LAS1L: variants seen among roughly 807,000 people sequenced by gnomAD.
The protein encoded by LAS1L is LAS1 like ribosome biogenesis factor.
Under a neutral mutation model 57.3 loss-of-function variants are expected in LAS1L, and 5 were observed. That is an observed-to-expected ratio of 0.09 (90% CI 0.05 to 0.18). The LOEUF is 0.18. LAS1L is among the 10% of genes least tolerant of loss of function. The pLI is 1.00. For synonymous variants in LAS1L, 245 were observed against 231.7 expected, an observed-to-expected ratio of 1.06 and a Z score of -0.52; for missense variants, 360 against 568.3, an observed-to-expected ratio of 0.63 and a Z score of 3.73.
intron 11 of LAS1L, chrX:65,520,743 C>T: frequency 2.7e-6 from 2 of 754,494 alleles, no homozygotes; most frequent in Non-Finnish European, 3.1e-6. Context: ...TCGCATCCCT[C>T]TGGTATGCTT....
At chrX:65,533,562 C>T (rs191750137) in intron 2 of LAS1L, 48 bp downstream of exon 2, 5 of 1,188,812 alleles carry the variant, frequency 4.2e-6, no homozygotes, top group Non-Finnish European at 5.7e-6. Context: ...CCTCCCCTGC[C>T]TCCAGTCCCC....
rs1278703165 is a variant in LAS1L at position 65,529,198 on chromosome X, G to C, written c.846+14C>G. 1 of 1,195,706 alleles carries C rather than the reference G, an allele frequency of 8.4e-7. No homozygotes were observed. Among genetic ancestry groups the C allele is most frequent in the African/African-American group, 1.8e-5 (1 of 56,765 alleles). On this transcript the variant is annotated intron_variant, in intron 6 of 13. Transcript: ENST00000374811. ...GGCAGATGAGAGCACACCAAGTCCA[G>C]GGCACTTTCTTACCGTAAACTGCTC...
chrX:65,527,196 G>A (rs1373159911), intron 7 of LAS1L, among the ~76,000 whole-genome samples: 8 of 63,842 alleles, frequency 1.3e-4, no homozygotes, highest in Admixed American at 1.1e-3. Context: ...GTGGGCAATA[G>A]CGAAACTCTG....
chrX:65,516,518 C>T (rs2068634408), intron 12 of LAS1L, among the ~76,000 whole-genome samples: 1 of 110,350 alleles, frequency 9.1e-6, no homozygotes, highest in Non-Finnish European at 1.9e-5. Flanking sequence ...TCACTTCTCT[C>T]TCACACAGAT....
chrX:65,523,975 C>A, intron 10 of LAS1L, 81 bp downstream of exon 10: 1 of 992,228 alleles, frequency 1.0e-6, no homozygotes, highest in East Asian at 3.2e-5. Context: ...CCTGGTGCTT[C>A]TTAGCAGAGA....
chrX:65,519,649 G>A (rs1443887690), intron 11 of LAS1L, among the ~76,000 whole-genome samples: 3 of 111,804 alleles, frequency 2.7e-5, no homozygotes, highest in African/African-American at 6.5e-5. Context: ...AGGGGAGCTC[G>A]AGGGGAGAGG....
rs1393398649 is a variant in LAS1L, at chrX:65,533,578, C to T, written c.362+32G>A. ...CTCCCCTGCCTCCAGTCCCCAAAGC[C>T]AACCTCCACCCCTACCCCATGCAGG... On this transcript the variant is annotated intron_variant, in intron 2 of 13. Transcript: ENST00000374811. The T allele has an allele frequency of 2.5e-6, 3 of 1,201,156 alleles. No homozygotes were observed. The African/African-American group carries it at 5.3e-5, about 21-fold the overall frequency.
intron 10 of LAS1L, 57 bp downstream of exon 10, chrX:65,523,999 G>T: frequency 9.3e-7 from 1 of 1,074,790 alleles, no homozygotes; most frequent in Non-Finnish European, 1.3e-6. Context: ...GAGGACAGTG[G>T]CAGAGGCTCC....
rs760523670 is a variant in LAS1L, at chrX:65,525,115, C to T, written c.957-65G>A. 2.9e-5 allele frequency: 27 copies of T among 921,038 alleles called. No individual in the cohort carries two copies. In the African/African-American group the frequency reaches 4.8e-4, roughly 17 times the overall value. 75.9% of individuals were successfully genotyped at this position (921,038 alleles called of 1,213,427 possible). On this transcript the variant is annotated intron_variant, in intron 7 of 13. Transcript: ENST00000374811. ...CAGAAGACCCTCTCCTACTCCTCCA[C>T]CCACCTCCAAAGCAGCTAATGCCTC... is the stretch of plus-strand genomic sequence containing the variant.
chrX:65,524,700 CA>C, intron 8 of LAS1L, 86 bp from the exon 9 acceptor site: 1 of 505,307 alleles, frequency 2.0e-6, no homozygotes, highest in Non-Finnish European at 3.6e-6. Context: ...AGCTAAATCA[CA>C]ACGAACATGG....
At chrX:65,528,448 A>G (rs2069285928) in intron 6 of LAS1L, 79 bp from the exon 7 acceptor site, 1 of 567,328 alleles carries the variant, frequency 1.8e-6, no homozygotes, top group Non-Finnish European at 3.0e-6. Context: ...CCCTTCCCAT[A>G]GGACCTCTCA....
At chrX:65,528,224 A>C in intron 7 of LAS1L, 36 bp downstream of exon 7, 57 of 899,693 alleles carry the variant, frequency 6.3e-5, no homozygotes, top group Non-Finnish European at 8.7e-5. Flanking sequence ...CCTCTATCCT[A>C]GAGAATACGC....
At position 65,528,471 on chromosome X, in the gene LAS1L, AGGGGACAGGGCAGGGCATGCAG is replaced by A. The variant is rs901962104; in HGVS notation, c.847-124_847-103del. The A allele has an allele frequency of 6.1e-6, 3 of 495,587 alleles. No homozygotes were observed. The African/African-American group carries it at 7.7e-5, about 13-fold the overall frequency. 40.8% of individuals were successfully genotyped at this position (495,587 alleles called of 1,213,427 possible). A position where few individuals can be genotyped will look rare whatever the true frequency, so the allele number is the denominator to read the frequency against. ...ATAGGACCTCTCAGCACTGCCCTGC[AGGGGACAGGGCAGGGCATGCAG>A]GGGGGGGCCCACAACTCCCCTACTG... is the stretch of plus-strand genomic sequence containing the variant. On this transcript the variant is annotated intron_variant, in intron 6 of 13. Coordinates refer to ENST00000374811, the MANE Select transcript of LAS1L (RefSeq NM_031206.7).
At chrX:65,525,643 C>T (rs1423088886) in intron 7 of LAS1L, among the ~76,000 whole-genome samples, 1 of 106,302 alleles carries the variant, frequency 9.4e-6, no homozygotes, top group Non-Finnish European at 1.9e-5. Context: ...TCTCTCATCC[C>T]TATCTATTAA....
Position 65,512,876 on chromosome X carries a change from C to T in LAS1L, c.2104G>A (p.Gly702Ser), listed in dbSNP as rs775900835. The T allele has an allele frequency of 3.7e-5, 43 of 1,165,913 alleles. No homozygotes were observed. Among genetic ancestry groups the T allele is most frequent in the Admixed American group, 7.8e-5 (3 of 38,529 alleles). The change falls in exon 14 of 14, where the codon GGC (glycine) becomes AGC (serine). Residue 702 changes from glycine (G) to serine (S), a missense_variant. Around this residue, in one of 7 missense-constraint regions of LAS1L, gnomAD observed 123 missense variants for 168.3 expected, o/e 0.73. Transcript: ENST00000374811. ...CTGCTGTTGCTGCAGTTGCCACTGCCGACACCACAGCTCAGGCCCAAGGTG... is the reference window on the plus strand; with the variant it reads ...CTGCTGTTGCTGCAGTTGCCACTGCTGACACCACAGCTCAGGCCCAAGGTG... ...TDTLGLSCGV[G>S]SGNCSNSSSS...
At position 65,534,524 on chromosome X, in the gene LAS1L, C is replaced by T. The variant is rs149288956; in HGVS notation, c.192G>A (p.Lys64=). Residue 64 remains lysine (K), a synonymous_variant, in exon 1 of 14, where the codon AAG becomes AAA. Coordinates refer to ENST00000374811, the MANE Select transcript of LAS1L (RefSeq NM_031206.7). The part of the protein sequence containing the change: ...VTVYLFCDDH[K]LQRYALNRIT... ...TGCGGTTAAGCGCGTACCGCTGCAA[C>T]TTATGGTCGTCACAGAACAGATAAA... 5.0e-6 allele frequency: 6 copies of T among 1,207,464 alleles called. No individual in the cohort carries two copies. The highest frequency in any genetic ancestry group is 6.7e-6 in the Non-Finnish European group (6 of 893,924).
At position 65,517,282 on chromosome X, in the gene LAS1L, C is replaced by G. The variant is rs1261250562; in HGVS notation, c.1927+705G>C. On this transcript the variant is annotated intron_variant, in intron 12 of 13. Transcript: ENST00000374811. ...TTTTTTTTTGAGACGGAGTCTCGCT[C>G]TGTCACCCAGGCTGAAGTGCAGTGG... Among the ~76,000 whole-genome samples, 5 of 101,608 alleles carry G rather than the reference C, an allele frequency of 4.9e-5. No individual in the cohort carries two copies. The Admixed American group carries it at 5.3e-4, about 11-fold the overall frequency. 88.2% of individuals were successfully genotyped at this position (101,608 alleles called of 115,157 possible). A position where few individuals can be genotyped will look rare whatever the true frequency, so the allele number is the denominator to read the frequency against.
At chrX:65,523,916 C>T (rs2068987770) in intron 10 of LAS1L, 140 bp downstream of exon 10, 10 of 719,483 alleles carry the variant, frequency 1.4e-5, no homozygotes, top group East Asian at 3.5e-5. Context: ...CCACTGCTGC[C>T]GTGGGGCCCT....
At position 65,533,594 on chromosome X, in the gene LAS1L, C is replaced by T; in HGVS notation, c.362+16G>A. Reference sequence around the variant, plus strand: ...CCCCAAAGCCAACCTCCACCCCTACCCCATGCAGGTCTTACCTGACCAATG... The same window carrying T: ...CCCCAAAGCCAACCTCCACCCCTACTCCATGCAGGTCTTACCTGACCAATG... On this transcript the variant is annotated intron_variant, in intron 2 of 13. Transcript: ENST00000374811. 2.5e-6 allele frequency: 3 copies of T among 1,209,291 alleles called. No individual in the cohort carries two copies. Among genetic ancestry groups the T allele is most frequent in the East Asian group, 3.0e-5 (1 of 33,787 alleles).
Sources: allele counts gnomAD v4.1 joint callset (sites outside exome capture counted in the v4.1 genomes callset), GRCh38; gene constraint gnomAD v4.1.1; regional missense constraint gnomAD v4.1.1; transcripts MANE v1.5; gene names NCBI Gene and HGNC (gene_info 2026-07-23, HGNC 2026-07-21).